The following DCC variants were observed in gnomAD, a reference collection of about 807,000 sequenced individuals.
DCC encodes netrin receptor DCC.
Under a neutral mutation model 172.5 loss-of-function variants are expected in DCC, and 58 were observed. That is an observed-to-expected ratio of 0.34 (90% CI 0.27 to 0.42). The LOEUF (loss-of-function observed/expected upper bound fraction) is 0.42. Ranked by LOEUF, DCC falls within the 10% of genes least tolerant of loss-of-function variation. The pLI is 1.00. For synonymous variants in DCC, 709 were observed against 644.5 expected (o/e 1.10, Z -1.52); for missense variants, 1,740 against 1,791.0 (o/e 0.97, Z 0.51).
chr18:53,527,704 A>T (rs1247009686), intron 28 of DCC, among the ~76,000 whole-genome samples: 1 of 152,022 alleles, frequency 6.6e-6, no homozygotes, highest in Admixed American at 6.5e-5. Flanking sequence ...TTAAGAAAAA[A>T]AAAACATTTA....
Position 52,459,607 on chromosome 18 carries a change from A to G in DCC, c.91+118729A>G, listed in dbSNP as rs554399404. Among the ~76,000 whole-genome samples the G allele has an allele frequency of 1.6e-3, 237 of 151,988 alleles. 3 individuals carry two copies. The highest frequency in any genetic ancestry group is 3.7e-4 in the Non-Finnish European group (25 of 67,980). The stretch of plus-strand genomic sequence containing the variant: ...CTCAGCCTCCCCAGTAGCTGGGACT[A>G]CAGGTGCCCGCCACCACGCCCGGCT... On this transcript the variant is annotated intron_variant, in intron 1 of 28. Coordinates refer to ENST00000442544, the MANE Select transcript of DCC (RefSeq NM_005215.4).
At chr18:52,615,313 G>A (rs2034359328) in intron 1 of DCC, among the ~76,000 whole-genome samples, 1 of 152,140 alleles carries the variant, frequency 6.6e-6, no homozygotes, top group Admixed American at 6.5e-5. Context: ...TCCTTTGAGT[G>A]CTCTGCTCAT....
At chr18:53,249,672 G>A (rs2056405890) in intron 12 of DCC, among the ~76,000 whole-genome samples, 1 of 151,850 alleles carries the variant, frequency 6.6e-6, no homozygotes, top group South Asian at 2.1e-4. Flanking sequence ...ATAATAGGAG[G>A]CGTAACAGTA....
chr18:53,134,712 C>T (rs572996256), intron 7 of DCC, among the ~76,000 whole-genome samples: 1 of 152,208 alleles, frequency 6.6e-6, no homozygotes, highest in South Asian at 2.1e-4. Context: ...TGACATTGGT[C>T]AGAAAGTTAT....
chr18:52,820,426 AAAG>A lies in DCC; in HGVS notation c.412+68057_412+68059del, dbSNP rs1354924940. 5.3e-5 allele frequency among the ~76,000 whole-genome samples: 8 copies of A among 151,812 alleles called. No individual in the cohort carries two copies. The South Asian group carries it at 6.3e-4, about 12-fold the overall frequency. On this transcript the variant is annotated intron_variant, in intron 2 of 28. Coordinates refer to ENST00000442544, the MANE Select transcript of DCC (RefSeq NM_005215.4). ...TTACACATGGATTTTTTTATTTAAA[AAAG>A]AAGACTCCAAATGTGAAATATAAAA...
chr18:52,597,486 C>A (rs939658009), intron 1 of DCC, among the ~76,000 whole-genome samples: 7 of 150,948 alleles, frequency 4.6e-5, no homozygotes, highest in African/African-American at 1.7e-4. Context: ...AGAAAATATG[C>A]GATCACACCA....
At chr18:52,749,366 T>A (rs1262486363) in intron 1 of DCC, among the ~76,000 whole-genome samples, 2 of 152,146 alleles carry the variant, frequency 1.3e-5, no homozygotes, top group African/African-American at 2.4e-5. Flanking sequence ...GACCCACCCC[T>A]GTCTGCCTGG....
chr18:53,063,254 C>A (rs1401945378), intron 5 of DCC, 51 bp from the exon 6 acceptor site: 1 of 1,579,694 alleles, frequency 6.3e-7, no homozygotes. Flanking sequence ...CAGCAGCATG[C>A]AAGTTCACAT....
intron 8 of DCC, among the ~76,000 whole-genome samples, chr18:53,160,424 G>T (rs1417006552): frequency 1.3e-5 from 2 of 152,076 alleles, no homozygotes; most frequent in Admixed American, 6.6e-5. Flanking sequence ...CATAGCTACA[G>T]TTCCATGGCC....
chr18:53,491,667 T>C (rs933489056), intron 26 of DCC, among the ~76,000 whole-genome samples: 14 of 152,216 alleles, frequency 9.2e-5, no homozygotes, highest in African/African-American at 3.4e-4. Context: ...CATCCTTTTT[T>C]ATGGCTGCAT....
chr18:53,092,829 C>T (rs1008019668), intron 7 of DCC, among the ~76,000 whole-genome samples: 1 of 151,960 alleles, frequency 6.6e-6, no homozygotes, highest in African/African-American at 2.4e-5. Flanking sequence ...TATCATAGAC[C>T]CCGAAACAAC....
intron 12 of DCC, among the ~76,000 whole-genome samples, chr18:53,220,459 A>G (rs866945741): frequency 1.1e-4 from 17 of 152,140 alleles, no homozygotes; most frequent in African/African-American, 4.1e-4. Flanking sequence ...AGTCCTTTAT[A>G]AAATACACTT....
intron 13 of DCC, among the ~76,000 whole-genome samples, chr18:53,306,173 T>C (rs2057198163): frequency 6.6e-6 from 1 of 152,204 alleles, no homozygotes; most frequent in South Asian, 2.1e-4. Context: ...CTTCTGCCAA[T>C]ATAAAGTAAA....
intron 1 of DCC, among the ~76,000 whole-genome samples, chr18:52,423,266 C>T (rs917725338): frequency 6.6e-6 from 1 of 152,082 alleles, no homozygotes; most frequent in Admixed American, 6.6e-5. Context: ...TACACAAGTG[C>T]AGAAAAACAA....
chr18:53,072,344 A>G (rs2042665597), intron 7 of DCC, among the ~76,000 whole-genome samples: 1 of 152,178 alleles, frequency 6.6e-6, no homozygotes, highest in African/African-American at 2.4e-5. Context: ...AGAAGTTAGC[A>G]ATTATCTGGA....
intron 3 of DCC, among the ~76,000 whole-genome samples, chr18:52,909,192 A>G (rs1391704603): frequency 6.6e-6 from 1 of 152,100 alleles, no homozygotes; most frequent in Non-Finnish European, 1.5e-5. Context: ...ATCAATTTTC[A>G]CTCTCTGTAA....
At chr18:52,523,371 A>G (rs1370780979) in intron 1 of DCC, among the ~76,000 whole-genome samples, 1 of 151,512 alleles carries the variant, frequency 6.6e-6, no homozygotes, top group Non-Finnish European at 1.5e-5. Context: ...TCAAACTTAG[A>G]GTAGATGACC....
chr18:53,502,583 C>T (rs1225761580), intron 27 of DCC, among the ~76,000 whole-genome samples: 4 of 152,000 alleles, frequency 2.6e-5, no homozygotes, highest in African/African-American at 4.8e-5. Flanking sequence ...TTCCTCAAAC[C>T]GATTGATGAA....
chr18:53,404,353 A>G (rs1362219793), intron 19 of DCC, among the ~76,000 whole-genome samples: 2 of 123,958 alleles, frequency 1.6e-5, no homozygotes, highest in African/African-American at 2.7e-5. Context: ...AGTGTAAACA[A>G]TAGAATAAGT....
Sources: gnomAD v4.1 joint callset for allele counts (sites outside exome capture counted in the v4.1 genomes callset) on GRCh38, gnomAD v4.1.1 for gene constraint, MANE v1.5 for transcripts, NCBI Gene and HGNC (gene_info 2026-07-23, HGNC 2026-07-21) for gene names.